Variants in TTLL5 observed in about 807,000 individuals in gnomAD.
TTLL5 encodes tubulin tyrosine ligase like 5, also known as tubulin polyglutamylase TTLL5.
A neutral mutation model predicts 168.4 loss-of-function variants in TTLL5; 132 were observed. That is an observed-to-expected ratio of 0.78 (90% confidence interval 0.68 to 0.91). The LOEUF is 0.91. Among genes scored for constraint, TTLL5 ranks in the 40% least tolerant of loss-of-function variants. The pLI, the probability that TTLL5 is intolerant of heterozygous loss-of-function variation, is 0.00. For synonymous variants in TTLL5, 546 were observed against 558.6 expected (o/e 0.98, Z 0.32); for missense variants, 1,545 against 1,581.5 (o/e 0.98, Z 0.39).
chr14:75,910,754 G>A (rs1272502312), intron 31 of TTLL5, among the ~76,000 whole-genome samples: 1 of 152,176 alleles, frequency 6.6e-6, no homozygotes, highest in Non-Finnish European at 1.5e-5. Context: ...GACTTGAAGT[G>A]TATTGCCCTG....
chr14:75,930,497 GA>G (rs1216094576), intron 31 of TTLL5: 3 of 771,502 alleles, frequency 3.9e-6, no homozygotes, highest in Admixed American at 1.3e-4. Flanking sequence ...TCTAAAATCT[GA>G]AAAAAATCAA....
chr14:75,759,098 C>A (rs961510180), intron 18 of TTLL5, among the ~76,000 whole-genome samples: 32 of 151,920 alleles, frequency 2.1e-4, no homozygotes, highest in African/African-American at 7.3e-4. Flanking sequence ...AATTGATAAA[C>A]CCTTAGGTAG....
chr14:75,938,706 T>G (rs1193302288), intron 31 of TTLL5, among the ~76,000 whole-genome samples: 1 of 152,148 alleles, frequency 6.6e-6, no homozygotes, highest in Non-Finnish European at 1.5e-5. Context: ...CTCGTAAATC[T>G]CAGTTTCCCA....
intron 17 of TTLL5, among the ~76,000 whole-genome samples, chr14:75,746,561 T>C (rs1404513836): frequency 2.0e-5 from 3 of 149,390 alleles, no homozygotes; most frequent in South Asian, 2.1e-4. Context: ...TCTTTTCTTT[T>C]TTTTTTTTTT....
chr14:75,932,290 C>T (rs1005584808), intron 31 of TTLL5, among the ~76,000 whole-genome samples: 1 of 152,204 alleles, frequency 6.6e-6, no homozygotes, highest in Non-Finnish European at 1.5e-5. Context: ...AACCAAAAAA[C>T]AGGCCTAGAG....
intron 28 of TTLL5, among the ~76,000 whole-genome samples, chr14:75,829,415 AAAGT>A (rs1264380054): frequency 6.6e-6 from 1 of 152,212 alleles, no homozygotes; most frequent in Non-Finnish European, 1.5e-5. Context: ...TTCTTACTAA[AAAGT>A]AAGCTAGAGA....
intron 6 of TTLL5, among the ~76,000 whole-genome samples, chr14:75,697,430 T>A (rs1397643957): frequency 6.6e-6 from 1 of 152,182 alleles, no homozygotes; most frequent in Non-Finnish European, 1.5e-5. Flanking sequence ...GCACATTAAA[T>A]TTTTTCTAAT....
At chr14:75,898,039 C>T (rs1301175771) in intron 30 of TTLL5, among the ~76,000 whole-genome samples, 1 of 152,178 alleles carries the variant, frequency 6.6e-6, no homozygotes, top group Non-Finnish European at 1.5e-5. Context: ...CAGTATTTCT[C>T]ACTGTCAAGC....
intron 15 of TTLL5, among the ~76,000 whole-genome samples, chr14:75,737,198 G>A (rs557590544): frequency 6.6e-6 from 1 of 152,296 alleles, no homozygotes; most frequent in East Asian, 1.9e-4. Flanking sequence ...GTAGGTAATG[G>A]CATGATTACA....
rs145716645 is a variant in TTLL5, at chr14:75,805,108, A to G, written c.3171+12008A>G. On this transcript the variant is annotated intron_variant, in intron 27 of 31. Coordinates refer to ENST00000298832, the MANE Select transcript of TTLL5 (RefSeq NM_015072.5). ...CTTGCAGTCTGACTTCATCTCTTAC[A>G]TTTGTCCATCTCTCTCTCAAAGGCC... Among the ~76,000 whole-genome samples, 72 of 152,050 alleles carry G rather than the reference A, an allele frequency of 4.7e-4. No homozygotes were observed. The East Asian group carries it at 0.011, about 24-fold the overall frequency.
intron 5 of TTLL5, chr14:75,684,613 A>G (rs1431377269): frequency 1.3e-5 from 2 of 152,216 alleles, no homozygotes; most frequent in African/African-American, 2.4e-5. Flanking sequence ...GTATACTACA[A>G]TACTTGCAAT....
At chr14:75,731,375 ACACACAC>A (rs1411721921) in intron 12 of TTLL5, among the ~76,000 whole-genome samples, 2 of 1,118 alleles carry the variant, frequency 1.8e-3, no homozygotes, top group Non-Finnish European at 0.01. Context: ...ACACATACAT[ACACACAC>A]ACACACACAC....
intron 12 of TTLL5, among the ~76,000 whole-genome samples, chr14:75,731,343 A>G (rs966858289): frequency 2.0e-5 from 3 of 148,296 alleles, no homozygotes; most frequent in East Asian, 3.9e-4. Flanking sequence ...TTTTATATAT[A>G]TATAGATATA....
chr14:75,895,152 TG>T (rs1312950127), intron 30 of TTLL5, among the ~76,000 whole-genome samples: 1 of 152,228 alleles, frequency 6.6e-6, no homozygotes, highest in African/African-American at 2.4e-5. Flanking sequence ...GGGTATGTCA[TG>T]GGCGAAATGA....
At chr14:75,783,679 T>G in intron 26 of TTLL5, 149 bp downstream of exon 26, 1 of 1,106,068 alleles carries the variant, frequency 9.0e-7, no homozygotes, top group East Asian at 2.6e-5. Flanking sequence ...TAAAGAAGAC[T>G]TTTGCATTGC....
intron 13 of TTLL5, among the ~76,000 whole-genome samples, chr14:75,732,975 AT>A (rs1455432849): frequency 6.6e-6 from 1 of 152,216 alleles, no homozygotes; most frequent in Non-Finnish European, 1.5e-5. Flanking sequence ...AATTCTTATT[AT>A]ATTTGCAGCT....
chr14:75,758,018 G>C, intron 18 of TTLL5: 1 of 692,492 alleles, frequency 1.4e-6, no homozygotes. Flanking sequence ...AAAGTGTTTT[G>C]TCGCCACTTT....
At chr14:75,675,834 C>A (rs1208993051) in intron 3 of TTLL5, among the ~76,000 whole-genome samples, 2 of 152,054 alleles carry the variant, frequency 1.3e-5, no homozygotes, top group African/African-American at 4.8e-5. Flanking sequence ...TACAAGGAGA[C>A]AGGGAGGGGG....
At chr14:75,867,926 G>A (rs1393489634) in intron 29 of TTLL5, among the ~76,000 whole-genome samples, 6 of 152,112 alleles carry the variant, frequency 3.9e-5, no homozygotes, top group Admixed American at 1.3e-4. Context: ...GAAGGAGAAG[G>A]CAAAAGAAAA....
Sources: gnomAD v4.1 joint callset for allele counts (sites outside exome capture counted in the v4.1 genomes callset) on GRCh38, gnomAD v4.1.1 for gene constraint, MANE v1.5 for transcripts, NCBI Gene and HGNC (gene_info 2026-07-23, HGNC 2026-07-21) for gene names.